Variants in MCFD2 observed in about 807,000 individuals in gnomAD.
MCFD2 encodes the protein multiple coagulation factor deficiency 2, ER cargo receptor complex subunit, also known as multiple coagulation factor deficiency protein 2.
In MCFD2, 11 loss-of-function variants were observed where a neutral mutation model predicts 12.8. That is an observed-to-expected ratio of 0.86 (90% CI 0.54 to 1.42). The LOEUF is 1.42. MCFD2 is among the 40% of genes most tolerant of loss of function. MCFD2 has a pLI of 0.00. For synonymous variants in MCFD2, 70 were observed against 68.1 expected, an observed-to-expected ratio of 1.03 and a Z score of -0.14; for missense variants, 191 against 178.6, an observed-to-expected ratio of 1.07 and a Z score of -0.40.
chr2:46,926,991 G>C (rs1669417590), intron 1 of MCFD2, among the ~76,000 whole-genome samples: 1 of 152,054 alleles, frequency 6.6e-6, no homozygotes, highest in South Asian at 2.1e-4. Flanking sequence ...TTGAACTACA[G>C]TTTAGACACA....
upstream of MCFD2, chr2:46,915,824 CCCCGA>C: frequency 2.2e-5 from 6 of 267,406 alleles, no homozygotes; most frequent in Non-Finnish European, 3.2e-5. Context: ...CCCCCCCCCC[CCCCGA>C]CCTGCCCTGC....
intron 1 of MCFD2, among the ~76,000 whole-genome samples, chr2:46,925,138 G>C (rs1182265189): frequency 6.6e-6 from 1 of 152,200 alleles, no homozygotes; most frequent in Non-Finnish European, 1.5e-5. Context: ...TTATTTCAGT[G>C]ATGGGGGTTG....
intron 1 of MCFD2, among the ~76,000 whole-genome samples, chr2:46,934,704 CAAAA>C (rs1316190613): frequency 2.0e-5 from 3 of 148,568 alleles, no homozygotes; most frequent in Admixed American, 2.0e-4. Context: ...AACAAACAAA[CAAAA>C]AAACCCGCAC....
chr2:46,920,367 T>G (rs1669037921), upstream of MCFD2, among the ~76,000 whole-genome samples: 1 of 152,204 alleles, frequency 6.6e-6, no homozygotes, highest in Admixed American at 6.5e-5. Context: ...TCTTGCTCAA[T>G]TGCCCAGGCT....
intron 1 of MCFD2, among the ~76,000 whole-genome samples, chr2:46,928,567 C>G (rs568721350): frequency 6.6e-6 from 1 of 150,928 alleles, no homozygotes; most frequent in Non-Finnish European, 1.5e-5. Context: ...CTCAGGAGTT[C>G]GAGACCAACC....
chr2:46,934,788 T>TC (rs1491136622), intron 1 of MCFD2, among the ~76,000 whole-genome samples: 166 of 9,696 alleles, frequency 0.017, 29 homozygotes, highest in Admixed American at 0.033. Context: ...ACTACTGCTC[T>TC]TTTTTTTTTT....
At chr2:46,934,566 A>G (rs889674875) in intron 1 of MCFD2, among the ~76,000 whole-genome samples, 2 of 151,904 alleles carry the variant, frequency 1.3e-5, no homozygotes, top group Middle Eastern at 3.4e-3. Context: ...GAGCCACCCA[A>G]CCCGGCCTGT....
At chr2:46,916,306 TC>T, upstream of MCFD2, 1 of 434,694 alleles carries the variant, frequency 2.3e-6, no homozygotes, top group Non-Finnish European at 3.1e-6. Flanking sequence ...TTGGCCTGCT[TC>T]CAGCGTCTGC....
intron 1 of MCFD2, among the ~76,000 whole-genome samples, chr2:46,931,306 G>A (rs1306035508): frequency 2.6e-5 from 4 of 152,296 alleles, no homozygotes; most frequent in Admixed American, 6.5e-5. Flanking sequence ...GGCTAGTCTC[G>A]AACTCCTGGC....
At chr2:46,931,152 GTTAT>G (rs1454747749) in intron 1 of MCFD2, among the ~76,000 whole-genome samples, 1 of 152,216 alleles carries the variant, frequency 6.6e-6, no homozygotes, top group Non-Finnish European at 1.5e-5. Context: ...ATCTATGAGT[GTTAT>G]TTATTTAGGA....
intron 1 of MCFD2, among the ~76,000 whole-genome samples, chr2:46,914,859 A>C (rs1366673519): frequency 6.6e-6 from 1 of 152,254 alleles, no homozygotes; most frequent in Non-Finnish European, 1.5e-5. Context: ...GAACCAAAAA[A>C]GATTCAGTAT....
At chr2:46,919,096 C>G (rs778819397), upstream of MCFD2, among the ~76,000 whole-genome samples, 1 of 152,140 alleles carries the variant, frequency 6.6e-6, no homozygotes, top group Non-Finnish European at 1.5e-5. Context: ...CAATGTTTTA[C>G]CTATGTAGGG....
At chr2:46,934,787 C>CTGTTTTTTTTT (rs1669883362) in intron 1 of MCFD2, among the ~76,000 whole-genome samples, 1 of 66,888 alleles carries the variant, frequency 1.5e-5, no homozygotes, top group Non-Finnish European at 2.7e-5. Context: ...GACTACTGCT[C>CTGTTTTTTTTT]TTTTTTTTTT....
intron 1 of MCFD2, chr2:46,910,704 T>C (rs1049780487): frequency 6.6e-6 from 1 of 152,182 alleles, no homozygotes; most frequent in African/African-American, 2.4e-5. Flanking sequence ...TTGCTTCCCA[T>C]GGCCCCCTCC....
At position 46,905,627 on chromosome 2, in the gene MCFD2, C is replaced by T. The variant is rs186059940; in HGVS notation, c.310-33G>A. The stretch of plus-strand genomic sequence containing the variant: ...ATACAAATTAGACAATGATGAGTTG[C>T]GCATTTTACCGGAAGAAGTGCTTAA... On this transcript the variant is annotated intron_variant, in intron 3 of 3. Transcript: ENST00000319466. 30 of 1,574,012 alleles carry T rather than the reference C, an allele frequency of 1.9e-5. No individual in the cohort carries two copies. In the East Asian group the frequency reaches 4.4e-4, roughly 23 times the overall value.
chr2:46,927,265 G>C (rs1279580660), intron 1 of MCFD2, among the ~76,000 whole-genome samples: 1 of 150,256 alleles, frequency 6.7e-6, no homozygotes, highest in East Asian at 2.0e-4. Context: ...CCCAAGCAAA[G>C]TTAATGAAAA....
chr2:46,941,611 G>A lies in MCFD2; in HGVS notation c.-47C>T. ...CGAGCTGGAGCGCTGCCGCGCCGAG[G>A]GCCACTGGGACCGCATGCCGGAGCT... is the stretch of plus-strand genomic sequence containing the variant. On this transcript the variant is annotated 5_prime_UTR_variant, in exon 1 of 3. Coordinates refer to the MCFD2 transcript ENST00000409147. This position sits in a 1 kb window ranked among gnomAD's most constrained non-coding sequence, Gnocchi z 4.2. The A allele has an allele frequency of 1.3e-6, 2 of 1,556,624 alleles. No individual in the cohort carries two copies. Among genetic ancestry groups the A allele is most frequent in the Non-Finnish European group, 1.7e-6 (2 of 1,150,728 alleles).
intron 1 of MCFD2, among the ~76,000 whole-genome samples, chr2:46,910,455 G>A (rs1474496846): frequency 1.3e-5 from 2 of 152,198 alleles, no homozygotes; most frequent in Non-Finnish European, 2.9e-5. Context: ...GTAGTCCACA[G>A]CCCCAAACCA....
chr2:46,912,164 G>C (rs532465870), intron 1 of MCFD2, among the ~76,000 whole-genome samples: 1 of 151,662 alleles, frequency 6.6e-6, no homozygotes, highest in Non-Finnish European at 1.5e-5. Flanking sequence ...GGCAAAATGC[G>C]TCTCTACTAA....
Sources: gnomAD v4.1 joint callset for allele counts (sites outside exome capture counted in the v4.1 genomes callset) on GRCh38, gnomAD v4.1.1 for gene constraint, Gnocchi (gnomAD v3.1) non-coding constraint, MANE v1.5 for transcripts, NCBI Gene and HGNC (gene_info 2026-07-23, HGNC 2026-07-21) for gene names.